The following HIVEP3 variants were observed in gnomAD, a reference collection of about 807,000 sequenced individuals.
HIVEP3 encodes HIVEP zinc finger 3.
In HIVEP3, 49 loss-of-function variants were observed where a neutral mutation model predicts 152.8. The ratio of observed to expected loss-of-function variants is 0.32; its 90% CI spans 0.26 to 0.41. HIVEP3 has a LOEUF of 0.41. Among genes scored for constraint, HIVEP3 ranks in the 10% least tolerant of loss-of-function variants. The pLI is 1.00. For synonymous variants in HIVEP3, 1,269 were observed against 1,289.0 expected (o/e 0.98, Z 0.33); for missense variants, 2,790 against 3,103.3 (o/e 0.90, Z 2.40).
intron 1 of HIVEP3, among the ~76,000 whole-genome samples, chr1:41,709,426 G>A (rs1479332704): frequency 6.6e-6 from 1 of 152,222 alleles, no homozygotes; most frequent in Non-Finnish European, 1.5e-5. Flanking sequence ...CCAGTGAGTG[G>A]GGCAGACCTG....
At chr1:42,006,350 C>CGGTT (rs1645459309) in intron 1 of HIVEP3, among the ~76,000 whole-genome samples, 1 of 152,072 alleles carries the variant, frequency 6.6e-6, no homozygotes, top group African/African-American at 2.4e-5. Flanking sequence ...ACCAGAGCAG[C>CGGTT]GGTTCTGAAA....
rs1644459985 is a variant in HIVEP3, at chr1:41,583,815, T to C, written c.983A>G (p.Gln328Arg). Residue 328 changes from glutamine (Q) to arginine (R), a missense_variant, in exon 4 of 9, where the codon CAG becomes CGG. This residue lies in a region of HIVEP3 where 125 missense variants were observed against 130.1 expected (regional missense o/e 0.96). Transcript: ENST00000372583. The surrounding 1 kb of genome is among the most constrained non-coding windows in gnomAD (Gnocchi z 6.9). ...SSSHERCSLS[Q>R]SSTAQSLEDP... ...TTCGAGTGACTGGGCTGTGCTGGAC[T>C]GGGACAGGGAACAGCGTTCGTGGCT... 1 of 1,601,254 alleles carries C rather than the reference T, an allele frequency of 6.2e-7. No individual in the cohort carries two copies. Among genetic ancestry groups the C allele is most frequent in the Non-Finnish European group, 8.5e-7 (1 of 1,173,208 alleles).
At chr1:41,812,369 C>G (rs2124329386) in intron 1 of HIVEP3, among the ~76,000 whole-genome samples, 1 of 152,170 alleles carries the variant, frequency 6.6e-6, no homozygotes, top group East Asian at 1.9e-4. Flanking sequence ...GCCAGGAGTT[C>G]AAGGCTGCAG....
intron 1 of HIVEP3, among the ~76,000 whole-genome samples, chr1:42,029,974 C>T (rs529012316): frequency 6.6e-6 from 1 of 152,330 alleles, no homozygotes; most frequent in South Asian, 2.1e-4. Flanking sequence ...AAGAGTCTTC[C>T]ATACACTGAT....
chr1:41,527,981 A>C (rs1187044608), intron 5 of HIVEP3, among the ~76,000 whole-genome samples: 6 of 106,272 alleles, frequency 5.6e-5, no homozygotes, highest in Admixed American at 4.9e-4. Flanking sequence ...TCACCTTCAC[A>C]CTCCACACTC....
Position 41,600,336 on chromosome 1 carries a change from A to C in HIVEP3, c.-521-15018T>G, listed in dbSNP as rs573907627. On this transcript the variant is annotated intron_variant, in intron 3 of 8. Transcript: ENST00000372583. ...AATCCAAATGTCCATTGATGAATGA[A>C]TGGATAAAAAATTCATTCATGTTGT... Among the ~76,000 whole-genome samples, 332 of 152,342 alleles carry C rather than the reference A, an allele frequency of 2.2e-3. 2 individuals are homozygous for C. The highest frequency in any genetic ancestry group is 3.4e-3 in the Non-Finnish European group (231 of 68,018).
chr1:41,524,390 G>A (rs960886021), intron 6 of HIVEP3, among the ~76,000 whole-genome samples: 2 of 152,126 alleles, frequency 1.3e-5, no homozygotes, highest in Non-Finnish European at 1.5e-5. Context: ...GTGGATAAAC[G>A]GCTCAGGAGA....
At chr1:41,798,485 C>T (rs1162116988) in intron 1 of HIVEP3, among the ~76,000 whole-genome samples, 1 of 152,142 alleles carries the variant, frequency 6.6e-6, no homozygotes, top group Non-Finnish European at 1.5e-5. Flanking sequence ...AGGCTGATGC[C>T]ACACCAGGCT....
At chr1:41,527,757 C>G (rs1277796854) in intron 5 of HIVEP3, among the ~76,000 whole-genome samples, 1 of 144,728 alleles carries the variant, frequency 6.9e-6, no homozygotes, top group East Asian at 2.1e-4. Context: ...TCGCATTCAC[C>G]TTCACACTCC....
intron 1 of HIVEP3, among the ~76,000 whole-genome samples, chr1:41,767,042 C>T (rs545660863): frequency 6.6e-6 from 1 of 151,380 alleles, no homozygotes; most frequent in East Asian, 1.9e-4. Context: ...TCCACTCAGC[C>T]CCAGATCCCA....
intron 1 of HIVEP3, among the ~76,000 whole-genome samples, chr1:41,770,682 T>C (rs769287426): frequency 6.6e-6 from 1 of 152,142 alleles, no homozygotes; most frequent in Non-Finnish European, 1.5e-5. Context: ...GAACATTCTA[T>C]AGTATGCCCG....
At position 41,730,424 on chromosome 1, in the gene HIVEP3, C is replaced by G. The variant is rs146066034; in HGVS notation, c.-800-29429G>C. Among the ~76,000 whole-genome samples, 722 of 152,346 alleles carry G rather than the reference C, an allele frequency of 4.7e-3. 2 individuals carry two copies. The highest frequency in any genetic ancestry group is 8.5e-3 in the Non-Finnish European group (575 of 68,022). ...GCTGGGCCTGCACAACCCTGCATCC[C>G]TGGCACCAGTGCTCCTAGCCCCACC... is the stretch of plus-strand genomic sequence containing the variant. On this transcript the variant is annotated intron_variant, in intron 1 of 8. Transcript: ENST00000372583.
chr1:41,916,445 G>A (rs929066687), intron 1 of HIVEP3, among the ~76,000 whole-genome samples: 7 of 152,194 alleles, frequency 4.6e-5, no homozygotes, highest in African/African-American at 1.7e-4. Flanking sequence ...GGGTGTGACA[G>A]GAGGGCCCCT....
chr1:41,684,966 T>C (rs1336991894), intron 2 of HIVEP3, among the ~76,000 whole-genome samples: 1 of 152,226 alleles, frequency 6.6e-6, no homozygotes, highest in Admixed American at 6.5e-5. Flanking sequence ...CTTACTGTTA[T>C]ATGGTCAAGT....
chr1:41,579,061 C>T (rs555599155), intron 4 of HIVEP3, among the ~76,000 whole-genome samples: 2 of 152,264 alleles, frequency 1.3e-5, no homozygotes, highest in South Asian at 4.1e-4. Flanking sequence ...CCTGATGTAG[C>T]CTCAGATCAA....
intron 1 of HIVEP3, among the ~76,000 whole-genome samples, chr1:41,890,114 T>C (rs1644423970): frequency 6.6e-6 from 1 of 152,200 alleles, no homozygotes; most frequent in Non-Finnish European, 1.5e-5. Flanking sequence ...TCAGTTTCCT[T>C]GTCTGTAAAA....
chr1:41,782,005 G>A (rs1023822813), intron 1 of HIVEP3, among the ~76,000 whole-genome samples: 20 of 152,192 alleles, frequency 1.3e-4, no homozygotes, highest in African/African-American at 4.6e-4. Flanking sequence ...TGCCCAGGAT[G>A]GAGAAGAGTG....
Position 41,976,086 on chromosome 1 carries a change from G to T in HIVEP3, n.120-57562C>A, listed in dbSNP as rs114850923. 3.4e-3 allele frequency among the ~76,000 whole-genome samples: 517 copies of T among 151,810 alleles called. 2 individuals are homozygous for T. The highest frequency in any genetic ancestry group is 0.012 in the African/African-American group (498 of 41,100). Reference sequence around the variant, plus strand: ...TCTCTTTGCCCTCTAGGTCAACCACGCTTACGTCTACATCTGTGATTAGAG... The same window carrying T: ...TCTCTTTGCCCTCTAGGTCAACCACTCTTACGTCTACATCTGTGATTAGAG... On this transcript the variant is annotated intron_variant and non_coding_transcript_variant, in intron 1 of 3. Transcript: ENST00000489103.
chr1:41,871,855 C>T (rs914494210), intron 1 of HIVEP3, among the ~76,000 whole-genome samples: 1 of 152,192 alleles, frequency 6.6e-6, no homozygotes, highest in Non-Finnish European at 1.5e-5. Context: ...TAATGCAAAA[C>T]CTTGGCCACA....
Sources: allele counts gnomAD v4.1 joint callset (sites outside exome capture counted in the v4.1 genomes callset), GRCh38; gene constraint gnomAD v4.1.1; regional missense constraint gnomAD v4.1.1; non-coding constraint Gnocchi (gnomAD v3.1); transcripts MANE v1.5; gene names NCBI Gene and HGNC (gene_info 2026-07-23, HGNC 2026-07-21).